The following DEPDC4 variants were observed in gnomAD, a reference collection of about 807,000 sequenced individuals.
DEPDC4 encodes the protein DEP domain-containing protein 4.
Under a neutral mutation model 52.0 loss-of-function variants are expected in DEPDC4, and 52 were observed. The observed-to-expected ratio is 1.00, with a 90% CI of 0.80 to 1.26. The LOEUF is 1.26. Ranked by LOEUF, DEPDC4 falls within the 50% of genes most tolerant of loss-of-function variation. The probability of loss-of-function intolerance (pLI) is 0.00; values close to 1 mark genes in which losing one functional copy is unlikely to be tolerated. For synonymous variants in DEPDC4, 201 were observed against 196.8 expected (o/e 1.02, Z -0.18); for missense variants, 530 against 546.9 (o/e 0.97, Z 0.31).
At chr12:100,269,969 T>G (rs1338478866), upstream of DEPDC4, among the ~76,000 whole-genome samples, 3 of 152,102 alleles carry the variant, frequency 2.0e-5, no homozygotes, top group African/African-American at 7.2e-5. Context: ...TTTCATACAT[T>G]GTATTTGAGA....
At chr12:100,278,301 T>G in the DEPDC4 span, among the ~76,000 whole-genome samples, 1 of 151,968 alleles carries the variant, frequency 6.6e-6, no homozygotes, top group African/African-American at 2.4e-5. Flanking sequence ...CTGGTCTCAA[T>G]TGATTCTTCT....
the DEPDC4 span, among the ~76,000 whole-genome samples, chr12:100,274,412 T>C: frequency 6.6e-6 from 1 of 152,226 alleles, no homozygotes; most frequent in South Asian, 2.1e-4. Context: ...AGTTTATCAA[T>C]TGAAATAAAT....
chr12:100,278,948 T>G, the DEPDC4 span, among the ~76,000 whole-genome samples: 2 of 152,160 alleles, frequency 1.3e-5, no homozygotes, highest in African/African-American at 4.8e-5. Context: ...AATTCTTATC[T>G]TTGTTCTTAT....
At chr12:100,246,143 T>C (rs2096184486) in intron 8 of DEPDC4, among the ~76,000 whole-genome samples, 1 of 150,042 alleles carries the variant, frequency 6.7e-6, no homozygotes, top group South Asian at 2.1e-4. Context: ...TTTTTTGTCA[T>C]TTTTGTTTCA....
chr12:100,237,911 C>T (rs889714276), downstream of DEPDC4: 24 of 195,224 alleles, frequency 1.2e-4, no homozygotes, highest in Non-Finnish European at 2.1e-4. Flanking sequence ...ATGGTAATAT[C>T]CTTAAAGCAT....
the DEPDC4 span, among the ~76,000 whole-genome samples, chr12:100,276,597 CAG>C: frequency 1.3e-5 from 2 of 152,266 alleles, no homozygotes; most frequent in East Asian, 3.9e-4. Flanking sequence ...TTTAGTGTCC[CAG>C]AGTGTTGGGA....
At chr12:100,262,533 C>CT (rs2096257374) in intron 2 of DEPDC4, 124 bp from the exon 3 acceptor site, 1 of 679,348 alleles carries the variant, frequency 1.5e-6, no homozygotes, top group South Asian at 3.4e-5. Flanking sequence ...TTTCAGGCAG[C>CT]TTATAATAAA....
At chr12:100,271,524 A>T (rs2096287702), upstream of DEPDC4, among the ~76,000 whole-genome samples, 3 of 152,202 alleles carry the variant, frequency 2.0e-5, no homozygotes, top group Non-Finnish European at 4.4e-5. Flanking sequence ...TACAAATCTC[A>T]GACCTTTGTG....
chr12:100,244,095 GTATATATA>G (rs774444544), intron 8 of DEPDC4, among the ~76,000 whole-genome samples: 566 of 51,630 alleles, frequency 0.011, 15 homozygotes, highest in African/African-American at 0.032. Context: ...CTCTCTCTGT[GTATATATA>G]TATATATATA....
At chr12:100,253,789 C>T (rs2096219362) in intron 4 of DEPDC4, 74 bp from the exon 5 acceptor site, 4 of 841,842 alleles carry the variant, frequency 4.8e-6, no homozygotes, top group Non-Finnish European at 6.5e-6. Flanking sequence ...TTTGATAAAA[C>T]ATGAAAAAAT....
chr12:100,277,251 A>C, the DEPDC4 span, among the ~76,000 whole-genome samples: 5 of 152,210 alleles, frequency 3.3e-5, no homozygotes, highest in African/African-American at 1.2e-4. Flanking sequence ...TGTCATTTGT[A>C]GAGTGTGTGT....
chr12:100,251,573 T>A (rs1301288525), intron 7 of DEPDC4, among the ~76,000 whole-genome samples: 1 of 139,738 alleles, frequency 7.2e-6, no homozygotes, highest in African/African-American at 2.8e-5. Flanking sequence ...ACCCCTGGCA[T>A]TTTTTTTTTT....
At chr12:100,267,545 GGGCCTGCCGGCGGCC>G (rs1486974345), upstream of DEPDC4, 2 of 152,722 alleles carry the variant, frequency 1.3e-5, no homozygotes, top group East Asian at 3.9e-4. Context: ...GCCTGGTGAC[GGGCCTGCCGGCGGCC>G]GGCCGGGCGA....
chr12:100,271,329 G>T (rs1365236907), upstream of DEPDC4, among the ~76,000 whole-genome samples: 4 of 149,860 alleles, frequency 2.7e-5, no homozygotes, highest in Non-Finnish European at 5.9e-5. Context: ...GATACAAACA[G>T]GTAAGTACTG....
At chr12:100,277,538 A>G in the DEPDC4 span, among the ~76,000 whole-genome samples, 3,765 of 152,270 alleles carry the variant, frequency 0.025, 150 homozygotes, top group African/African-American at 0.085. Context: ...TTATTCTGTT[A>G]TTAATATTGC....
rs2096159252 is a variant in DEPDC4, at chr12:100,241,649, T to C, written c.*243A>G. On this transcript the variant is annotated 3_prime_UTR_variant, in exon 10 of 10. Transcript: ENST00000550587. ...GAGAATTGTTTATATTTACAAATTGTAGTTTCTTGTATCAGAAATGTTAAT... is the reference window on the plus strand; with the variant it reads ...GAGAATTGTTTATATTTACAAATTGCAGTTTCTTGTATCAGAAATGTTAAT... 8.4e-7 allele frequency: 1 copy of C among 1,185,698 alleles called. No homozygotes were observed. Among genetic ancestry groups the C allele is most frequent in the Non-Finnish European group, 1.1e-6 (1 of 935,650 alleles). The allele number at this position is 1,185,698 out of a possible 1,614,324, so 73.4% of individuals were successfully genotyped here.
chr12:100,251,749 G>A (rs2096209005), intron 7 of DEPDC4, among the ~76,000 whole-genome samples: 2 of 152,122 alleles, frequency 1.3e-5, no homozygotes, highest in South Asian at 2.1e-4. Flanking sequence ...TGTATTTTTA[G>A]TAGAGACGGG....
intron 2 of DEPDC4, 74 bp downstream of exon 2, chr12:100,263,423 C>T (rs1338660440): frequency 1.1e-5 from 14 of 1,240,268 alleles, no homozygotes; most frequent in African/African-American, 4.6e-5. Flanking sequence ...AGTACACATT[C>T]GAGTTTAGCT....
intron 1 of DEPDC4, 131 bp downstream of exon 1, chr12:100,266,789 G>T: frequency 8.0e-7 from 1 of 1,250,682 alleles, no homozygotes; most frequent in Non-Finnish European, 1.1e-6. Flanking sequence ...GTGCCTGGTA[G>T]GGCAGGAAGG....
Sources: gnomAD v4.1 joint callset for allele counts (sites outside exome capture counted in the v4.1 genomes callset) on GRCh38, gnomAD v4.1.1 for gene constraint, MANE v1.5 for transcripts, NCBI Gene and HGNC (gene_info 2026-07-23, HGNC 2026-07-21) for gene names.